Variants in HLTF observed in about 807,000 individuals in gnomAD.
The protein encoded by HLTF is helicase like transcription factor.
In HLTF, 127 loss-of-function variants were observed where a neutral mutation model predicts 129.4. The ratio of observed to expected loss-of-function variants is 0.98; its 90% CI spans 0.85 to 1.14. The LOEUF is 1.14. Ranked by LOEUF, HLTF falls within the 50% of genes most tolerant of loss-of-function variation. The pLI, the probability that HLTF is intolerant of heterozygous loss-of-function variation, is 0.00. For missense variants in HLTF, 1,139 were observed against 1,187.1 expected (o/e 0.96, Z 0.60); for synonymous variants, 332 against 388.8 (o/e 0.85, Z 1.72).
At chr3:149,074,452 G>T in intron 3 of HLTF, 104 bp from the exon 4 acceptor site, 1 of 1,093,712 alleles carries the variant, frequency 9.1e-7, no homozygotes, top group Non-Finnish European at 1.3e-6. Flanking sequence ...ATTTTACATT[G>T]AAGTAAAGTA....
At chr3:149,052,137 G>C (rs1717050060) in intron 14 of HLTF, 3 of 122,392 alleles carry the variant, frequency 2.5e-5, no homozygotes, top group African/African-American at 9.8e-5. Context: ...CTGGGCGACA[G>C]AGCAAGACTG....
In HLTF at chr3:149,039,113, G is replaced by T. The variant is rs201754257; in HGVS notation, c.2732C>A (p.Ser911Tyr). 1 of 1,611,776 alleles carries T rather than the reference G, an allele frequency of 6.2e-7. No homozygotes were observed. The highest frequency in any genetic ancestry group is 8.5e-7 in the Non-Finnish European group (1 of 1,178,952). The change falls in exon 23 of 25, where the codon TCC (serine) becomes TAC (tyrosine). Residue 911 changes from serine to tyrosine, a missense_variant. By Grantham distance (144) the Ser-to-Tyr change is moderately radical. Transcript: ENST00000310053. ...EAGSPTIMLL[S>Y]LKAGGVGLNL... Reference sequence around the variant, plus strand: ...CAAACCAACTCCACCTGCTTTTAAGGACAGAAGCATTATAGTTGGAGATCC... The same window carrying T: ...CAAACCAACTCCACCTGCTTTTAAGTACAGAAGCATTATAGTTGGAGATCC...
intron 10 of HLTF, among the ~76,000 whole-genome samples, chr3:149,062,212 G>A (rs1427916284): frequency 6.6e-6 from 1 of 152,168 alleles, no homozygotes; most frequent in African/African-American, 2.4e-5. Context: ...ATAACTATTA[G>A]CTATAACATG....
chr3:149,073,413 G>T, intron 4 of HLTF, 91 bp from the exon 5 acceptor site: 1 of 883,682 alleles, frequency 1.1e-6, no homozygotes, highest in Non-Finnish European at 1.8e-6. Context: ...CATTAACAGG[G>T]CTGGGTGCTG....
intron 10 of HLTF, 131 bp downstream of exon 10, chr3:149,063,300 T>C (rs2108023777): frequency 3.4e-6 from 2 of 591,704 alleles, no homozygotes; most frequent in Non-Finnish European, 6.2e-6. Flanking sequence ...GACCTCATGA[T>C]CCGCCCGCCT....
chr3:149,082,658 C>T (rs868752390), intron 2 of HLTF, among the ~76,000 whole-genome samples: 3 of 151,912 alleles, frequency 2.0e-5, no homozygotes, highest in Admixed American at 2.0e-4. Context: ...TTTTATCATA[C>T]GTAAACCACA....
At position 149,074,161 on chromosome 3, in the gene HLTF, T is replaced by C. The variant is rs113222666; in HGVS notation, c.529+54A>G. 78 of 1,519,412 alleles carry C rather than the reference T, an allele frequency of 5.1e-5. 1 individual carries two copies. The African/African-American group carries it at 8.6e-4, about 17-fold the overall frequency. The allele number at this position is 1,519,412 out of a possible 1,614,324, so 94.1% of individuals were successfully genotyped here. A position where few individuals can be genotyped will look rare whatever the true frequency, so the allele number is the denominator to read the frequency against. On this transcript the variant is annotated intron_variant, in intron 4 of 24. Coordinates refer to ENST00000310053, the MANE Select transcript of HLTF (RefSeq NM_003071.4). The stretch of plus-strand genomic sequence containing the variant: ...ACTCCAAGAGAGAATAAATGTTTCA[T>C]AATCCCTGCATCTTACAATATCAGA...
intron 14 of HLTF, among the ~76,000 whole-genome samples, chr3:149,054,050 C>A (rs1371686436): frequency 1.3e-5 from 2 of 151,780 alleles, no homozygotes; most frequent in Non-Finnish European, 2.9e-5. Flanking sequence ...AATAAATAAA[C>A]CAAAAACTTA....
intron 10 of HLTF, among the ~76,000 whole-genome samples, chr3:149,061,819 G>T (rs956305525): frequency 6.7e-6 from 1 of 149,108 alleles, no homozygotes; most frequent in African/African-American, 2.5e-5. Flanking sequence ...CTGGGCGACA[G>T]GAGCAAAACT....
At position 149,048,858 on chromosome 3, in the gene HLTF, A is replaced by G. The variant is rs1159450688; in HGVS notation, c.1756+5T>C. 1 of 1,609,822 alleles carries G rather than the reference A, an allele frequency of 6.2e-7. No homozygotes were observed. Among genetic ancestry groups the G allele is most frequent in the Non-Finnish European group, 8.5e-7 (1 of 1,176,508 alleles). On this transcript the variant is annotated splice_donor_5th_base_variant and intron_variant, in intron 16 of 24. Transcript: ENST00000310053. ...AGGTTTTAGTAAGTTTAATGCTATG[A>G]TTACCTGTCAAAACCCATCTTCTTT...
chr3:149,045,955 C>T (rs1716513823), intron 18 of HLTF, 125 bp downstream of exon 18: 1 of 638,762 alleles, frequency 1.6e-6, no homozygotes, highest in South Asian at 2.3e-5. Context: ...CACTGTAATT[C>T]ATAGAAGCAA....
intron 2 of HLTF, among the ~76,000 whole-genome samples, chr3:149,083,182 C>T (rs908605518): frequency 2.0e-5 from 3 of 151,590 alleles, no homozygotes; most frequent in African/African-American, 7.3e-5. Flanking sequence ...ACCTGGGAGG[C>T]GGAGGTTGCA....
intron 23 of HLTF, 29 bp from the exon 24 acceptor site, chr3:149,035,027 C>G (rs765886230): frequency 6.8e-7 from 1 of 1,467,808 alleles, no homozygotes; most frequent in African/African-American, 1.4e-5. Context: ...AGTTACTTTA[C>G]TACTGCCCTG....
chr3:149,054,933 A>C (rs781041878), intron 14 of HLTF, among the ~76,000 whole-genome samples: 2 of 152,250 alleles, frequency 1.3e-5, no homozygotes, highest in Non-Finnish European at 2.9e-5. Context: ...TGTTATTGTT[A>C]TAAAAATAAG....
intron 7 of HLTF, 140 bp from the exon 8 acceptor site, chr3:149,068,475 G>A (rs947844566): frequency 4.6e-6 from 2 of 434,584 alleles, no homozygotes; most frequent in Non-Finnish European, 8.2e-6. Flanking sequence ...AATGAAAAAT[G>A]AGTATTTCAT....
Position 149,075,993 on chromosome 3 carries a change from TATC to T in HLTF, c.280_282del (p.Asp94del). 1 of 1,554,738 alleles carries T rather than the reference TATC, an allele frequency of 6.4e-7. No homozygotes were observed. The highest frequency in any genetic ancestry group is 8.9e-7 in the Non-Finnish European group (1 of 1,127,662). ...ACATTGTTTACTTTAATTGCATTCT[TATC>T]ATAAGGGTTATTAGGATCTCGTTGT... On this transcript the variant is annotated inframe_deletion, in exon 3 of 25. Coordinates refer to ENST00000310053, the MANE Select transcript of HLTF (RefSeq NM_003071.4).
chr3:149,065,824 ATTAAT>A (rs1272956983), intron 8 of HLTF, among the ~76,000 whole-genome samples: 2 of 152,144 alleles, frequency 1.3e-5, no homozygotes, highest in Non-Finnish European at 2.9e-5. Context: ...ATAAAATTAA[ATTAAT>A]TTAAAATCCC....
At chr3:149,060,536 G>A (rs1717839782) in intron 12 of HLTF, 107 bp downstream of exon 12, 2 of 856,576 alleles carry the variant, frequency 2.3e-6, no homozygotes, top group East Asian at 4.9e-5. Flanking sequence ...CATCAGCCAA[G>A]TTTAAGAGCT....
intron 18 of HLTF, among the ~76,000 whole-genome samples, chr3:149,043,106 A>C (rs1316992864): frequency 6.6e-6 from 1 of 152,046 alleles, no homozygotes; most frequent in Non-Finnish European, 1.5e-5. Flanking sequence ...CAAAAAAAAA[A>C]AATCTTAAAG....
Sources: gnomAD v4.1 joint callset for allele counts (sites outside exome capture counted in the v4.1 genomes callset) on GRCh38, gnomAD v4.1.1 for gene constraint, MANE v1.5 for transcripts, NCBI Gene and HGNC (gene_info 2026-07-23, HGNC 2026-07-21) for gene names.